Variants in HEYL observed in about 807,000 individuals in gnomAD.
HEYL encodes hes related family bHLH transcription factor with YRPW motif like, also known as hairy/enhancer-of-split related with YRPW motif-like protein.
HEYL carries 12 observed loss-of-function variants against 18.6 expected under a neutral mutation model. The ratio of observed to expected loss-of-function variants is 0.65; its 90% CI spans 0.41 to 1.05. HEYL has a LOEUF of 1.05. HEYL is among the 50% of genes least tolerant of loss of function. The probability of loss-of-function intolerance (pLI) is 0.00; values close to 1 mark genes in which losing one functional copy is unlikely to be tolerated. For synonymous variants in HEYL, 159 were observed against 179.6 expected (o/e 0.89, Z 0.91); for missense variants, 420 against 444.7 (o/e 0.94, Z 0.50).
chr1:39,631,459 CAGTAT>C (rs1270828105), intron 3 of HEYL, 32 bp downstream of exon 3: 1 of 1,575,968 alleles, frequency 6.3e-7, no homozygotes, highest in Admixed American at 1.7e-5. Flanking sequence ...GCCACCCACA[CAGTAT>C]TTCCTCTAGC....
At chr1:39,630,391 T>C in intron 3 of HEYL, 83 bp from the exon 4 acceptor site, 1 of 1,072,984 alleles carries the variant, frequency 9.3e-7, no homozygotes, top group Non-Finnish European at 1.5e-6. Flanking sequence ...TGTCTCGATT[T>C]TCTCACCTTC....
rs1646286765 is a variant in HEYL, at chr1:39,624,764, C to G, written c.*1743G>C. On this transcript the variant is annotated 3_prime_UTR_variant, in exon 5 of 5. Transcript: ENST00000372852. ...TGCTACTGCACATCTCAGATGGGTCCAGGAGGACAGCAGTCTGATGGAATT... is the reference window on the plus strand; with the variant it reads ...TGCTACTGCACATCTCAGATGGGTCGAGGAGGACAGCAGTCTGATGGAATT... 6.6e-6 allele frequency: 1 copy of G among 152,206 alleles called. No homozygotes were observed. The highest frequency in any genetic ancestry group is 1.5e-5 in the Non-Finnish European group (1 of 68,066). The allele number at this position is 152,206 out of a possible 1,614,324, so 9.4% of individuals were successfully genotyped here.
At position 39,639,580 on chromosome 1, in the gene HEYL, C is replaced by A. The variant is rs1312037525; in HGVS notation, c.46G>T (p.Gly16Ter). The stretch of plus-strand genomic sequence containing the variant: ...CCCTCTTGGCCCACGTCGATGGGTC[C>A]GTCGGACTCCCCGTCGGAGCCGCTC... ...EPSGSDGESD[G>*]PIDVGQEGQL... Residue 16 changes from glycine (G) to a stop codon, truncating the protein, a stop_gained, in exon 1 of 5, where the codon GGA becomes TGA. Coordinates refer to ENST00000372852, the MANE Select transcript of HEYL (RefSeq NM_014571.4). LOFTEE classifies it high-confidence loss of function. 1 of 1,582,696 alleles carries A rather than the reference C, an allele frequency of 6.3e-7. No individual in the cohort carries two copies. The highest frequency in any genetic ancestry group is 1.7e-5 in the Admixed American group (1 of 58,068).
chr1:39,626,387 A>G lies in HEYL; in HGVS notation c.*120T>C, dbSNP rs1173152270. On this transcript the variant is annotated 3_prime_UTR_variant, in exon 5 of 5. Coordinates refer to ENST00000372852, the MANE Select transcript of HEYL (RefSeq NM_014571.4). Reference sequence around the variant, plus strand: ...GGAGGAGGGGGCCTCTGATGGCTGGAGAACGTGCCTTCACATATGAGCCAG... The same window carrying G: ...GGAGGAGGGGGCCTCTGATGGCTGGGGAACGTGCCTTCACATATGAGCCAG... The G allele has an allele frequency of 8.0e-6, 7 of 873,144 alleles. No individual in the cohort carries two copies. Among genetic ancestry groups the G allele is most frequent in the Non-Finnish European group, 1.0e-5 (6 of 588,554 alleles). 54.1% of individuals were successfully genotyped at this position (873,144 alleles called of 1,614,324 possible). A position where few individuals can be genotyped will look rare whatever the true frequency, so the allele number is the denominator to read the frequency against.
In HEYL at chr1:39,624,036, T is replaced by C. The variant is rs540291443; in HGVS notation, c.*2471A>G. On this transcript the variant is annotated 3_prime_UTR_variant, in exon 5 of 5. Coordinates refer to ENST00000372852, the MANE Select transcript of HEYL (RefSeq NM_014571.4). ...GATTGACAAAGCAAGAGGGAAGACC[T>C]TTCTGAGGCCAGGGCAGTGATCTGG... is the stretch of plus-strand genomic sequence containing the variant. The C allele has an allele frequency of 2.0e-5, 3 of 152,414 alleles. No homozygotes were observed. Among genetic ancestry groups the C allele is most frequent in the African/African-American group, 7.2e-5 (3 of 41,580 alleles). 9.4% of individuals were successfully genotyped at this position (152,414 alleles called of 1,614,324 possible). A position where few individuals can be genotyped will look rare whatever the true frequency, so the allele number is the denominator to read the frequency against.
chr1:39,639,387 C>A lies in HEYL; in HGVS notation c.80+159G>T, dbSNP rs565978728. Among the ~76,000 whole-genome samples the A allele has an allele frequency of 2.5e-3, 387 of 152,322 alleles. 1 individual carries two copies. Among genetic ancestry groups the A allele is most frequent in the Non-Finnish European group, 4.0e-3 (269 of 68,004 alleles). On this transcript the variant is annotated intron_variant, in intron 1 of 4. Coordinates refer to ENST00000372852, the MANE Select transcript of HEYL (RefSeq NM_014571.4). ...GGCACTCGTGCGTGTAACGGCACGG[C>A]CCGCACACGCCCCCTACGCCGACAC... is the stretch of plus-strand genomic sequence containing the variant.
chr1:39,638,955 TG>T (rs1168297790), intron 1 of HEYL, among the ~76,000 whole-genome samples: 8 of 152,136 alleles, frequency 5.3e-5, no homozygotes, highest in Non-Finnish European at 8.8e-5. Flanking sequence ...ACTGGCAGTA[TG>T]GGGGCACGAT....
Position 39,626,825 on chromosome 1 carries a change from G to T in HEYL, c.669C>A (p.Arg223=). 6.4e-7 allele frequency: 1 copy of T among 1,568,404 alleles called. No individual in the cohort carries two copies. Among genetic ancestry groups the T allele is most frequent in the Non-Finnish European group, 8.6e-7 (1 of 1,156,280 alleles). ...PIPALRTAPL[R]RATGIILPAR... is the part of the protein sequence containing the mutation. ...CTGGCAGGATGATGCCTGTGGCTCT[G>T]CGAAGGGGAGCGGTTCGGAGGGCTG... is the stretch of plus-strand genomic sequence containing the variant. Residue 223 remains arginine, a synonymous_variant, in exon 5 of 5, where the codon CGC becomes CGA. Coordinates refer to ENST00000372852, the MANE Select transcript of HEYL (RefSeq NM_014571.4).
chr1:39,634,123 T>C (rs1646350579), intron 1 of HEYL, among the ~76,000 whole-genome samples: 1 of 152,140 alleles, frequency 6.6e-6, no homozygotes, highest in Non-Finnish European at 1.5e-5. Flanking sequence ...TTAGATGTAG[T>C]CTCACTCTGT....
At chr1:39,638,378 G>A (rs1646370873) in intron 1 of HEYL, among the ~76,000 whole-genome samples, 1 of 152,154 alleles carries the variant, frequency 6.6e-6, no homozygotes, top group Non-Finnish European at 1.5e-5. Context: ...GATCACTTAA[G>A]CCCAGGAGAT....
Position 39,623,840 on chromosome 1 carries a change from TGGCAGAA to T in HEYL, c.*2660_*2666del. 6.6e-6 allele frequency among the ~76,000 whole-genome samples: 1 copy of T among 152,118 alleles called. No homozygotes were observed. The highest frequency in any genetic ancestry group is 1.5e-5 in the Non-Finnish European group (1 of 68,022). ...GTCGAGGAAATGAAGGAAGGGCAGG[TGGCAGAA>T]GCTCAGGGAGCAAGTCTGGGACTGG... On this transcript the variant is annotated 3_prime_UTR_variant, in exon 5 of 5. Coordinates refer to ENST00000372852, the MANE Select transcript of HEYL (RefSeq NM_014571.4).
chr1:39,629,195 C>A (rs1036019797), intron 4 of HEYL, among the ~76,000 whole-genome samples: 3 of 152,206 alleles, frequency 2.0e-5, no homozygotes, highest in Admixed American at 2.0e-4. Context: ...TGAAACAACA[C>A]AAGTGAAAGC....
chr1:39,635,198 C>T (rs1401484084), intron 1 of HEYL, among the ~76,000 whole-genome samples: 1 of 152,212 alleles, frequency 6.6e-6, no homozygotes, highest in African/African-American at 2.4e-5. Context: ...TCTATAATAG[C>T]TCCTGGGAGG....
rs757565243 is a variant in HEYL at position 39,632,701 on chromosome 1, G to A, written c.95C>T (p.Pro32Leu). ...CTGCGAAGAGCTGGGGGTGGACAGCGGCCTGGCCATCTGGCTGGAAAGGAA... is the reference window on the plus strand; with the variant it reads ...CTGCGAAGAGCTGGGGGTGGACAGCAGCCTGGCCATCTGGCTGGAAAGGAA... ...QEGQLSQMAR[P>L]LSTPSSSQMQ... Residue 32 changes from proline to leucine, a missense_variant, in exon 2 of 5, where the codon CCG (proline) becomes CTG (leucine). Physicochemically the swap from Pro to Leu is moderately conservative, Grantham distance 98. Coordinates refer to ENST00000372852, the MANE Select transcript of HEYL (RefSeq NM_014571.4). 2.3e-5 allele frequency: 37 copies of A among 1,614,026 alleles called. No individual in the cohort carries two copies. The highest frequency in any genetic ancestry group is 3.0e-5 in the Non-Finnish European group (35 of 1,179,946).
Position 39,639,591 on chromosome 1 carries a change from C to G in HEYL, c.35G>C (p.Gly12Ala). 3.2e-6 allele frequency: 5 copies of G among 1,579,464 alleles called. No individual in the cohort carries two copies. The highest frequency in any genetic ancestry group is 1.4e-5 in the African/African-American group (1 of 71,188). Residue 12 changes from glycine to alanine, a missense_variant, in exon 1 of 5, where the codon GGG becomes GCG. Gly to Ala is a moderately conservative substitution (Grantham distance 60, BLOSUM62 0). Coordinates refer to ENST00000372852, the MANE Select transcript of HEYL (RefSeq NM_014571.4). ...KRPKEPSGSD[G>A]ESDGPIDVGQ... Reference sequence around the variant, plus strand: ...CACGTCGATGGGTCCGTCGGACTCCCCGTCGGAGCCGCTCGGCTCCTTGGG... The same window carrying G: ...CACGTCGATGGGTCCGTCGGACTCCGCGTCGGAGCCGCTCGGCTCCTTGGG...
chr1:39,625,348 T>C lies in HEYL; in HGVS notation c.*1159A>G, dbSNP rs1466261616. ...AGTGGCCTAGGGTGGAGCCGGGGAA[T>C]GAAATGGCTTCTGAGCAGAGCCAGC... On this transcript the variant is annotated 3_prime_UTR_variant, in exon 5 of 5. Coordinates refer to ENST00000372852, the MANE Select transcript of HEYL (RefSeq NM_014571.4). 1 of 152,232 alleles carries C rather than the reference T, an allele frequency of 6.6e-6. No homozygotes were observed. The highest frequency in any genetic ancestry group is 1.5e-5 in the Non-Finnish European group (1 of 68,076). 9.4% of individuals were successfully genotyped at this position (152,232 alleles called of 1,614,324 possible). A position where few individuals can be genotyped will look rare whatever the true frequency, so the allele number is the denominator to read the frequency against.
chr1:39,629,620 T>A (rs1209545471), intron 4 of HEYL, among the ~76,000 whole-genome samples: 1 of 152,250 alleles, frequency 6.6e-6, no homozygotes, highest in Non-Finnish European at 1.5e-5. Flanking sequence ...GTTTCCCAAT[T>A]TTGAAATCAC....
rs756861621 is a variant in HEYL at position 39,626,847 on chromosome 1, G to T, written c.647C>A (p.Ala216Asp). 5.1e-6 allele frequency: 8 copies of T among 1,581,776 alleles called. No individual in the cohort carries two copies. The Admixed American group carries it at 1.3e-4, about 26-fold the overall frequency. ...TCTGCGAAGGGGAGCGGTTCGGAGG[G>T]CTGGGATGGGGTAAGCAGGAGAGGA... ...GVSSPAYPIP[A>D]LRTAPLRRAT... is the part of the protein sequence containing the mutation. The change falls in exon 5 of 5, where the codon GCC becomes GAC. Residue 216 changes from alanine to aspartate, a missense_variant. By Grantham distance (126) the Ala-to-Asp change is moderately radical. Transcript: ENST00000372852.
At chr1:39,632,430 C>T (rs1006100431) in intron 2 of HEYL, among the ~76,000 whole-genome samples, 2 of 152,150 alleles carry the variant, frequency 1.3e-5, no homozygotes, top group African/African-American at 4.8e-5. Flanking sequence ...TGAGGTGGGC[C>T]CTCTCATTAT....
Sources: allele counts gnomAD v4.1 joint callset (sites outside exome capture counted in the v4.1 genomes callset), GRCh38; gene constraint gnomAD v4.1.1; transcripts MANE v1.5; gene names NCBI Gene and HGNC (gene_info 2026-07-23, HGNC 2026-07-21).